DCC: variants seen among roughly 807,000 people sequenced by gnomAD.
The protein encoded by DCC is DCC netrin 1 receptor.
Under a neutral mutation model 172.5 loss-of-function variants are expected in DCC, and 58 were observed. The observed-to-expected ratio is 0.34, with a 90% CI of 0.27 to 0.42. The LOEUF (loss-of-function observed/expected upper bound fraction) is 0.42. Ranked by LOEUF, DCC falls within the 10% of genes least tolerant of loss-of-function variation. The probability of loss-of-function intolerance (pLI) is 1.00; values close to 1 mark genes in which losing one functional copy is unlikely to be tolerated. For synonymous variants in DCC, 709 were observed against 644.5 expected, an observed-to-expected ratio of 1.10 and a Z score of -1.52; for missense variants, 1,740 against 1,791.0, an observed-to-expected ratio of 0.97 and a Z score of 0.51.
intron 1 of DCC, among the ~76,000 whole-genome samples, chr18:52,480,625 C>T (rs577491235): frequency 1.4e-4 from 22 of 152,224 alleles, no homozygotes; most frequent in African/African-American, 3.9e-4. Flanking sequence ...TAGAACAGTA[C>T]GTTGTTCCTA....
chr18:52,431,779 T>G (rs746891112), intron 1 of DCC, among the ~76,000 whole-genome samples: 23 of 152,110 alleles, frequency 1.5e-4, no homozygotes, highest in Non-Finnish European at 2.9e-4. Context: ...AATCACCACT[T>G]ATCAAGTGTC....
intron 20 of DCC, among the ~76,000 whole-genome samples, chr18:53,412,640 C>T (rs1357654078): frequency 8.4e-6 from 1 of 119,622 alleles, no homozygotes; most frequent in Non-Finnish European, 2.1e-5. Flanking sequence ...GCTGAGAAAA[C>T]TCCCAGTACT....
intron 24 of DCC, among the ~76,000 whole-genome samples, chr18:53,460,942 G>T (rs1354460588): frequency 6.6e-6 from 1 of 152,112 alleles, no homozygotes; most frequent in African/African-American, 2.4e-5. Flanking sequence ...TCCAGGACCT[G>T]TTGTTTCCTG....
chr18:53,096,327 G>T (rs1164049483), intron 7 of DCC, among the ~76,000 whole-genome samples: 1 of 152,016 alleles, frequency 6.6e-6, no homozygotes, highest in Non-Finnish European at 1.5e-5. Flanking sequence ...TGACAGTGAG[G>T]CCTTGTAGCT....
intron 1 of DCC, among the ~76,000 whole-genome samples, chr18:52,621,755 A>G (rs914442424): frequency 6.6e-6 from 1 of 152,324 alleles, no homozygotes; most frequent in East Asian, 1.9e-4. Flanking sequence ...AATGTTTACA[A>G]GTCTCTTTGC....
intron 8 of DCC, among the ~76,000 whole-genome samples, chr18:53,169,346 T>C (rs578105664): frequency 2.0e-5 from 3 of 152,362 alleles, no homozygotes; most frequent in Non-Finnish European, 2.9e-5. Flanking sequence ...ACTCTTCTTA[T>C]AGCCTCCTTG....
At position 53,489,634 on chromosome 18, in the gene DCC, G is replaced by C. The variant is rs147765414; in HGVS notation, c.3898+2676G>C. Among the ~76,000 whole-genome samples the C allele has an allele frequency of 2.5e-3, 380 of 152,242 alleles. 1 individual carries two copies. Among genetic ancestry groups the C allele is most frequent in the South Asian group, 3.7e-3 (18 of 4,824 alleles). ...CTTTTTCCTCCAAAGTTATCTGAAA[G>C]ACCTTTGAGTTTTATAAGAAATGAA... is the stretch of plus-strand genomic sequence containing the variant. On this transcript the variant is annotated intron_variant, in intron 26 of 28. Transcript: ENST00000442544.
chr18:53,215,316 A>G (rs1312150876), intron 11 of DCC, among the ~76,000 whole-genome samples: 2 of 152,050 alleles, frequency 1.3e-5, no homozygotes. Context: ...TAACAGTTTT[A>G]GGGGCTCCCT....
intron 12 of DCC, among the ~76,000 whole-genome samples, chr18:53,293,708 C>T (rs2144755005): frequency 6.6e-6 from 1 of 152,232 alleles, no homozygotes; most frequent in Non-Finnish European, 1.5e-5. Context: ...CCAGAATTAG[C>T]ATGCCAGTTT....
intron 2 of DCC, among the ~76,000 whole-genome samples, chr18:52,893,527 A>G (rs1046572835): frequency 6.6e-6 from 1 of 152,192 alleles, no homozygotes; most frequent in African/African-American, 2.4e-5. Flanking sequence ...CTTTGAAATG[A>G]ATAGGGAAAT....
chr18:52,627,783 T>C lies in DCC; in HGVS notation c.92-124271T>C, dbSNP rs74812039. Among the ~76,000 whole-genome samples, 760 of 152,338 alleles carry C rather than the reference T, an allele frequency of 5.0e-3. 3 individuals are homozygous for C. Among genetic ancestry groups the C allele is most frequent in the African/African-American group, 0.016 (665 of 41,576 alleles). Reference sequence around the variant, plus strand: ...CAAACAGATTTCTACTTTTCTTGCTTGTGAGCCAGAGTTTGGAAGTGTACC... The same window carrying C: ...CAAACAGATTTCTACTTTTCTTGCTCGTGAGCCAGAGTTTGGAAGTGTACC... On this transcript the variant is annotated intron_variant, in intron 1 of 28. Coordinates refer to ENST00000442544, the MANE Select transcript of DCC (RefSeq NM_005215.4).
intron 1 of DCC, among the ~76,000 whole-genome samples, chr18:52,531,111 G>T (rs1195181109): frequency 6.6e-6 from 1 of 152,184 alleles, no homozygotes; most frequent in Non-Finnish European, 1.5e-5. Flanking sequence ...CTCTGAAGCA[G>T]GCATTGCTTA....
chr18:52,422,365 A>G (rs2960617), intron 1 of DCC, among the ~76,000 whole-genome samples: 1 of 152,060 alleles, frequency 6.6e-6, no homozygotes, highest in Non-Finnish European at 1.5e-5. Flanking sequence ...ATGTCAGTGG[A>G]GCTCTTAGTC....
At chr18:52,667,451 G>C (rs1239464607) in intron 1 of DCC, among the ~76,000 whole-genome samples, 1 of 152,200 alleles carries the variant, frequency 6.6e-6, no homozygotes, top group East Asian at 1.9e-4. Context: ...ACTTTGGCCT[G>C]TTGTAAGCCT....
In DCC at chr18:53,339,838, G is replaced by T; in HGVS notation, c.2290G>T (p.Val764Phe). Residue 764 changes from valine (V) to phenylalanine (F), a missense_variant, in exon 15 of 29, where the codon GTT becomes TTT. By Grantham distance (50) the Val-to-Phe change is conservative. Transcript: ENST00000442544. The part of the protein sequence containing the change: ...VVRGYIIGYG[V>F]GSPYAETVRV... ...GCGAGGTTATATTATCGGTTATGGCGTTGGGAGCCCTTACGCTGAGACAGT... is the reference window on the plus strand; with the variant it reads ...GCGAGGTTATATTATCGGTTATGGCTTTGGGAGCCCTTACGCTGAGACAGT... 1 of 1,613,966 alleles carries T rather than the reference G, an allele frequency of 6.2e-7. No homozygotes were observed. The highest frequency in any genetic ancestry group is 8.5e-7 in the Non-Finnish European group (1 of 1,179,962).
intron 5 of DCC, among the ~76,000 whole-genome samples, chr18:52,928,650 A>T (rs1307372504): frequency 6.6e-6 from 1 of 152,152 alleles, no homozygotes; most frequent in Admixed American, 6.5e-5. Context: ...CATGTGAGAC[A>T]TTTATTTGTT....
chr18:52,740,020 GC>G (rs1330685356), intron 1 of DCC, among the ~76,000 whole-genome samples: 1 of 152,122 alleles, frequency 6.6e-6, no homozygotes, highest in African/African-American at 2.4e-5. Context: ...CATGCAGTAA[GC>G]CCTTTTAAGT....
chr18:53,378,612 C>T (rs900322705), intron 15 of DCC, among the ~76,000 whole-genome samples: 1 of 152,112 alleles, frequency 6.6e-6, no homozygotes, highest in African/African-American at 2.4e-5. Flanking sequence ...ATAATTTAGC[C>T]TTTCTGTGTC....
At position 52,869,213 on chromosome 18, in the gene DCC, G is replaced by T. The variant is rs34591798; in HGVS notation, c.413-36831G>T. On this transcript the variant is annotated intron_variant, in intron 2 of 28. Coordinates refer to ENST00000442544, the MANE Select transcript of DCC (RefSeq NM_005215.4). ...CCCGCAACCAGGAAGAATAAGTTGC[G>T]CAGACAAGTGGAGGGTGAGCAAGAT... is the stretch of plus-strand genomic sequence containing the variant. Among the ~76,000 whole-genome samples, 8 of 152,330 alleles carry T rather than the reference G, an allele frequency of 5.3e-5. No homozygotes were observed. In the South Asian group the frequency reaches 1.7e-3, roughly 32 times the overall value.
Sources: allele counts gnomAD v4.1 joint callset (sites outside exome capture counted in the v4.1 genomes callset), GRCh38; gene constraint gnomAD v4.1.1; transcripts MANE v1.5; gene names NCBI Gene and HGNC (gene_info 2026-07-23, HGNC 2026-07-21).